The following SORCS2 variants were observed in gnomAD, a reference collection of about 807,000 sequenced individuals.
The protein encoded by SORCS2 is sortilin related VPS10 domain containing receptor 2.
In SORCS2, 100 loss-of-function variants were observed where a neutral mutation model predicts 141.6. The observed-to-expected ratio is 0.71, with a 90% CI of 0.60 to 0.83. The LOEUF is 0.83. SORCS2 is among the 40% of genes least tolerant of loss of function. The pLI is 0.00. For synonymous variants in SORCS2, 789 were observed against 676.9 expected (o/e 1.17, Z -2.57); for missense variants, 1,646 against 1,560.2 (o/e 1.05, Z -0.93).
At chr4:7,292,094 G>A (rs1401951656) in intron 1 of SORCS2, among the ~76,000 whole-genome samples, 3 of 152,326 alleles carry the variant, frequency 2.0e-5, no homozygotes, top group South Asian at 2.1e-4. Context: ...AACTGAGCTC[G>A]GCCTGGATCT....
At position 7,404,401 on chromosome 4, in the gene SORCS2, A is replaced by G. The variant is rs550113823; in HGVS notation, c.548+8046A>G. Among the ~76,000 whole-genome samples, 11 of 152,124 alleles carry G rather than the reference A, an allele frequency of 7.2e-5. No individual in the cohort carries two copies. The South Asian group carries it at 2.1e-3, about 29-fold the overall frequency. On this transcript the variant is annotated intron_variant, in intron 2 of 26. Coordinates refer to ENST00000507866, the MANE Select transcript of SORCS2 (RefSeq NM_020777.3). ...GACTGCTGGATCTAATGGTCATTCT[A>G]TTTTTAGGTATTTGAGCAATCTCTG...
At chr4:7,677,415 G>A (rs561726505) in intron 9 of SORCS2, among the ~76,000 whole-genome samples, 10 of 152,392 alleles carry the variant, frequency 6.6e-5, no homozygotes, top group East Asian at 1.9e-4. Context: ...GCTCAGAGAA[G>A]GCAAATGACC....
At chr4:7,299,258 G>A (rs1031529950) in intron 1 of SORCS2, among the ~76,000 whole-genome samples, 4 of 152,382 alleles carry the variant, frequency 2.6e-5, no homozygotes, top group East Asian at 3.9e-4. Flanking sequence ...TGTGGAATGC[G>A]TCTGAGTGGA....
chr4:7,285,328 C>T lies in SORCS2; in HGVS notation c.480+92202C>T, dbSNP rs148160885. ...GATTACAGGTGTGAGCCACCACGCC[C>T]GGCCCCATCTCCTCATGTTGACATT... On this transcript the variant is annotated intron_variant, in intron 1 of 26. Coordinates refer to ENST00000507866, the MANE Select transcript of SORCS2 (RefSeq NM_020777.3). 1.1e-3 allele frequency among the ~76,000 whole-genome samples: 165 copies of T among 152,262 alleles called. 1 individual carries two copies. Among genetic ancestry groups the T allele is most frequent in the African/African-American group, 3.8e-3 (158 of 41,544 alleles).
At chr4:7,560,647 C>T (rs148682254) in intron 3 of SORCS2, among the ~76,000 whole-genome samples, 11 of 152,118 alleles carry the variant, frequency 7.2e-5, no homozygotes, top group South Asian at 2.1e-4. Flanking sequence ...GAAATAGGGA[C>T]GGCTCTGGGT....
intron 3 of SORCS2, among the ~76,000 whole-genome samples, chr4:7,580,397 T>C (rs1431561566): frequency 6.6e-6 from 1 of 151,494 alleles, no homozygotes; most frequent in East Asian, 1.9e-4. Flanking sequence ...GGCTGAGCCA[T>C]GAGAATCGCT....
At chr4:7,296,119 G>A (rs887115206) in intron 1 of SORCS2, among the ~76,000 whole-genome samples, 14 of 152,326 alleles carry the variant, frequency 9.2e-5, no homozygotes, top group African/African-American at 3.4e-4. Context: ...CTTCCTCTTG[G>A]CTGCAGTGAC....
chr4:7,450,610 C>T (rs902440315), intron 2 of SORCS2, among the ~76,000 whole-genome samples: 1 of 152,254 alleles, frequency 6.6e-6, no homozygotes, highest in Non-Finnish European at 1.5e-5. Context: ...TGTTCCCCAG[C>T]TGTCCAGGGC....
At chr4:7,425,832 G>A (rs1726396105) in intron 2 of SORCS2, among the ~76,000 whole-genome samples, 1 of 152,252 alleles carries the variant, frequency 6.6e-6, no homozygotes, top group South Asian at 2.1e-4. Context: ...AGCATCCCGA[G>A]GCAGGGACGG....
intron 2 of SORCS2, among the ~76,000 whole-genome samples, chr4:7,511,601 T>C (rs144328946): frequency 2.0e-5 from 3 of 151,838 alleles, no homozygotes; most frequent in Non-Finnish European, 4.4e-5. Context: ...AGATGGACGC[T>C]GGGTGCGTGT....
chr4:7,435,471 A>G (rs1444573621), intron 2 of SORCS2, among the ~76,000 whole-genome samples: 5 of 152,080 alleles, frequency 3.3e-5, no homozygotes, highest in African/African-American at 9.7e-5. Flanking sequence ...CTGTTTGGGG[A>G]GTTAGTCTCT....
At chr4:7,723,596 G>T in intron 18 of SORCS2, 101 bp from the exon 19 acceptor site, 2 of 1,318,688 alleles carry the variant, frequency 1.5e-6, no homozygotes, top group Non-Finnish European at 1.1e-6. Flanking sequence ...AGGGAGGGCG[G>T]CAATGAATGA....
chr4:7,546,088 C>A (rs1461396391), intron 3 of SORCS2, among the ~76,000 whole-genome samples: 1 of 152,216 alleles, frequency 6.6e-6, no homozygotes, highest in Non-Finnish European at 1.5e-5. Context: ...CCCAAAGGTC[C>A]TGCCTCCAAA....
intron 1 of SORCS2, among the ~76,000 whole-genome samples, chr4:7,306,636 T>G (rs1304700396): frequency 1.3e-5 from 2 of 152,272 alleles, no homozygotes; most frequent in Non-Finnish European, 2.9e-5. Context: ...GGGAATCGCC[T>G]TCAGTTCCCA....
At chr4:7,219,170 C>CTGTGTGTGTG (rs57092836) in intron 1 of SORCS2, among the ~76,000 whole-genome samples, 26,453 of 150,616 alleles carry the variant, frequency 0.18, 2,544 homozygotes, top group African/African-American at 0.26. Flanking sequence ...TTTGTCTATG[C>CTGTGTGTGTG]TGTGTGTGTG....
At chr4:7,635,431 T>G (rs1720178139) in intron 3 of SORCS2, among the ~76,000 whole-genome samples, 1 of 152,222 alleles carries the variant, frequency 6.6e-6, no homozygotes, top group African/African-American at 2.4e-5. Context: ...CGCCACCACT[T>G]AAGACCAATC....
At chr4:7,503,039 C>T (rs565182178) in intron 2 of SORCS2, among the ~76,000 whole-genome samples, 23 of 152,344 alleles carry the variant, frequency 1.5e-4, no homozygotes, top group Non-Finnish European at 2.8e-4. Flanking sequence ...AGCAGAGAGG[C>T]CCTGCCAGCG....
chr4:7,668,609 G>C (rs537223414), intron 8 of SORCS2, among the ~76,000 whole-genome samples: 262 of 152,248 alleles, frequency 1.7e-3, no homozygotes, highest in Non-Finnish European at 2.8e-3. Context: ...AAGTCTAGGA[G>C]GCCTTTTAAA....
At chr4:7,545,673 T>A (rs1713201537) in intron 3 of SORCS2, among the ~76,000 whole-genome samples, 1 of 152,168 alleles carries the variant, frequency 6.6e-6, no homozygotes, top group Admixed American at 6.5e-5. Context: ...CCCACCCCGC[T>A]GCATCAGCAG....
Sources: allele counts gnomAD v4.1 joint callset (sites outside exome capture counted in the v4.1 genomes callset), GRCh38; gene constraint gnomAD v4.1.1; transcripts MANE v1.5; gene names NCBI Gene and HGNC (gene_info 2026-07-23, HGNC 2026-07-21).